The following RRP1B variants were observed in gnomAD, a reference collection of about 807,000 sequenced individuals.
RRP1B encodes ribosomal RNA processing protein 1 homolog B.
Under a neutral mutation model 80.2 loss-of-function variants are expected in RRP1B, and 56 were observed. The ratio of observed to expected loss-of-function variants is 0.70; its 90% CI spans 0.56 to 0.87. The LOEUF (loss-of-function observed/expected upper bound fraction) is 0.87. Ranked by LOEUF, RRP1B falls within the 40% of genes least tolerant of loss-of-function variation. The pLI, the probability that RRP1B is intolerant of heterozygous loss-of-function variation, is 0.00. For missense variants in RRP1B, 807 were observed against 939.8 expected (o/e 0.86, Z 1.85); for synonymous variants, 351 against 357.6 (o/e 0.98, Z 0.21).
chr21:43,686,776 G>T, intron 11 of RRP1B, 28 bp from the exon 12 acceptor site: 1 of 1,613,178 alleles, frequency 6.2e-7, no homozygotes, highest in Non-Finnish European at 8.5e-7. Context: ...GCCTGGGGAA[G>T]CTAACAGTGT....
At chr21:43,670,496 A>G (rs770116909) in intron 2 of RRP1B, among the ~76,000 whole-genome samples, 52 of 152,348 alleles carry the variant, frequency 3.4e-4, no homozygotes, top group Non-Finnish European at 5.3e-4. Context: ...GCCCACCACC[A>G]AAGCCAACAC....
Position 43,691,699 on chromosome 21 carries a change from C to T in RRP1B, c.2083+197C>T, listed in dbSNP as rs974700367. Reference sequence around the variant, plus strand: ...TGTCACCCAGGCTGCAGTGCAGTGGCGAGATCTTGGCTCACTGCAACCTCC... The same window carrying T: ...TGTCACCCAGGCTGCAGTGCAGTGGTGAGATCTTGGCTCACTGCAACCTCC... On this transcript the variant is annotated intron_variant, in intron 15 of 15. Transcript: ENST00000340648. The surrounding 1 kb of genome is among the most constrained non-coding windows in gnomAD (Gnocchi z 4.2). 2.7e-5 allele frequency among the ~76,000 whole-genome samples: 4 copies of T among 149,838 alleles called. No homozygotes were observed. The highest frequency in any genetic ancestry group is 3.7e-3 in the Middle Eastern group (1 of 268).
At chr21:43,673,634 CAA>C (rs557525643) in intron 3 of RRP1B, among the ~76,000 whole-genome samples, 23 of 66,096 alleles carry the variant, frequency 3.5e-4, no homozygotes, top group Admixed American at 7.3e-4. Flanking sequence ...ACCCCGTCTC[CAA>C]AAAAAAAAAA....
In RRP1B at chr21:43,691,363, T is replaced by G; in HGVS notation, c.2020-76T>G. 2 of 1,399,372 alleles carry G rather than the reference T, an allele frequency of 1.4e-6. No homozygotes were observed. The highest frequency in any genetic ancestry group is 2.0e-6 in the Non-Finnish European group (2 of 991,846). The allele number at this position is 1,399,372 out of a possible 1,614,324, so 86.7% of individuals were successfully genotyped here. On this transcript the variant is annotated intron_variant, in intron 14 of 15. Coordinates refer to ENST00000340648, the MANE Select transcript of RRP1B (RefSeq NM_015056.3). This position sits in a 1 kb window ranked among gnomAD's most constrained non-coding sequence, Gnocchi z 4.2. The stretch of plus-strand genomic sequence containing the variant: ...GGGCGGCATACCCTCCAGGGCAGGT[T>G]CTCCAGAAAAATCTGACTAAGCGCC...
intron 10 of RRP1B, 88 bp downstream of exon 10, chr21:43,684,738 TTTTC>T (rs2083056946): frequency 6.6e-6 from 7 of 1,064,824 alleles, no homozygotes. Context: ...TGCTTATCTT[TTTTC>T]TTTCTTCTTT....
rs2083023415 is a variant in RRP1B at position 43,676,563 on chromosome 21, T to A, written c.615-170T>A. On this transcript the variant is annotated intron_variant, in intron 7 of 15. Transcript: ENST00000340648. Reference sequence around the variant, plus strand: ...CACCCAAAGATCTGACCGCTGGGCGTCCCGTGCCTGTCGGGTGGCACTTAG... The same window carrying A: ...CACCCAAAGATCTGACCGCTGGGCGACCCGTGCCTGTCGGGTGGCACTTAG... 2.0e-5 allele frequency among the ~76,000 whole-genome samples: 3 copies of A among 152,232 alleles called. No homozygotes were observed. In the South Asian group the frequency reaches 6.2e-4, roughly 32 times the overall value.
chr21:43,675,711 A>G (rs1264389715), intron 6 of RRP1B, among the ~76,000 whole-genome samples: 1 of 152,194 alleles, frequency 6.6e-6, no homozygotes, highest in African/African-American at 2.4e-5. Context: ...CCCCTCTTGT[A>G]GAGGAAGTAT....
rs755478546 is a variant in RRP1B at position 43,688,078 on chromosome 21, G to GAGGCTGCAGAAAAAGA, written c.1709_1724dup (p.Gly576AlafsTer76). 4.3e-6 allele frequency: 7 copies of GAGGCTGCAGAAAAAGA among 1,611,784 alleles called. No individual in the cohort carries two copies. In the South Asian group the frequency reaches 6.6e-5, roughly 15 times the overall value. Reference sequence around the variant, plus strand: ...GCCACACCACGCTGCCCCAGCGCAGGAGGCTGCAGAAAAAGAAGGCAGGGC... The same window carrying GAGGCTGCAGAAAAAGA: ...GCCACACCACGCTGCCCCAGCGCAGGAGGCTGCAGAAAAAGAAGGCTGCAGAAAAAGAAGGCAGGGC... On this transcript the variant is annotated frameshift_variant, in exon 13 of 16. Transcript: ENST00000340648. LOFTEE classifies it high-confidence loss of function.
chr21:43,687,373 C>A, intron 12 of RRP1B, 143 bp from the exon 13 acceptor site: 2 of 915,122 alleles, frequency 2.2e-6, no homozygotes, highest in South Asian at 2.6e-5. Context: ...GTGGGCGCAC[C>A]AAGTACCTCA....
intron 9 of RRP1B, 71 bp from the exon 10 acceptor site, chr21:43,684,482 C>A: frequency 1.6e-6 from 2 of 1,287,186 alleles, no homozygotes; most frequent in Middle Eastern, 1.8e-4. Context: ...CTCTTACTAG[C>A]AGATGTAAAT....
intron 8 of RRP1B, among the ~76,000 whole-genome samples, chr21:43,682,671 A>G (rs889775165): frequency 3.3e-5 from 5 of 152,178 alleles, no homozygotes; most frequent in African/African-American, 1.2e-4. Flanking sequence ...GGAGCTTCCC[A>G]TGCACCGCAG....
In RRP1B at chr21:43,659,668, G is replaced by A. The variant is rs2082938960; in HGVS notation, c.4G>A (p.Ala2Thr). Residue 2 changes from alanine (A) to threonine (T), a missense_variant, in exon 1 of 16, where the codon GCC becomes ACC. By Grantham distance (58) the Ala-to-Thr change is moderately conservative (BLOSUM62 0). Transcript: ENST00000340648. The surrounding 1 kb of genome is among the most constrained non-coding windows in gnomAD (Gnocchi z 4.2). M[A>T]PAMQPAEIQF... is the part of the protein sequence containing the mutation. The stretch of plus-strand genomic sequence containing the variant: ...CGGGGATGCTCCAGCGGGCGCGATG[G>A]CCCCCGCCATGCAGCCGGCCGAGAT... The A allele has an allele frequency of 1.3e-6, 2 of 1,507,870 alleles. No individual in the cohort carries two copies. The highest frequency in any genetic ancestry group is 8.9e-7 in the Non-Finnish European group (1 of 1,127,456). The allele number at this position is 1,507,870 out of a possible 1,614,324, so 93.4% of individuals were successfully genotyped here.
At chr21:43,676,450 G>A (rs1033088538) in intron 7 of RRP1B, 114 bp downstream of exon 7, 19 of 825,594 alleles carry the variant, frequency 2.3e-5, no homozygotes, top group Non-Finnish European at 3.6e-5. Context: ...AGCAGAGAGC[G>A]GCTGGAGAAG....
chr21:43,669,315 G>A (rs142585363), intron 1 of RRP1B, among the ~76,000 whole-genome samples: 5 of 152,312 alleles, frequency 3.3e-5, no homozygotes, highest in African/African-American at 9.6e-5. Context: ...ATCCTTAAAA[G>A]GTAATTTTTG....
At position 43,691,506 on chromosome 21, in the gene RRP1B, A is replaced by G. The variant is rs1402453191; in HGVS notation, c.2083+4A>G. The stretch of plus-strand genomic sequence containing the variant: ...CTGAACAGAAACATGACTGCCGGTA[A>G]GTGGGGTTTTGCCAGCGGCAAGCTT... On this transcript the variant is annotated splice_donor_region_variant and intron_variant, in intron 15 of 15. Coordinates refer to ENST00000340648, the MANE Select transcript of RRP1B (RefSeq NM_015056.3). This position sits in a 1 kb window ranked among gnomAD's most constrained non-coding sequence, Gnocchi z 4.2. The G allele has an allele frequency of 6.2e-7, 1 of 1,613,932 alleles. No individual in the cohort carries two copies. Among genetic ancestry groups the G allele is most frequent in the South Asian group, 1.1e-5 (1 of 91,054 alleles).
At chr21:43,682,587 C>T (rs1365542793) in intron 8 of RRP1B, among the ~76,000 whole-genome samples, 2 of 152,222 alleles carry the variant, frequency 1.3e-5, no homozygotes, top group Admixed American at 6.5e-5. Flanking sequence ...GGGCCGGATT[C>T]CTGCGTCCAT....
At chr21:43,685,521 C>G (rs1038153353) in intron 10 of RRP1B, among the ~76,000 whole-genome samples, 2 of 152,204 alleles carry the variant, frequency 1.3e-5, no homozygotes, top group Admixed American at 1.3e-4. Context: ...CCCGCCGTGT[C>G]CTTGCTGGTA....
At chr21:43,667,798 G>T (rs923721976) in intron 1 of RRP1B, among the ~76,000 whole-genome samples, 1 of 152,190 alleles carries the variant, frequency 6.6e-6, no homozygotes, top group African/African-American at 2.4e-5. Flanking sequence ...TAACAAGAGG[G>T]CAAGAGAACC....
intron 9 of RRP1B, among the ~76,000 whole-genome samples, chr21:43,683,769 CAA>C (rs60232038): frequency 0.026 from 3,959 of 152,188 alleles, 189 homozygotes; most frequent in African/African-American, 0.088. Context: ...CACCTGAGGT[CAA>C]GAGTTCGAGA....
Sources: gnomAD v4.1 joint callset for allele counts (sites outside exome capture counted in the v4.1 genomes callset) on GRCh38, gnomAD v4.1.1 for gene constraint, Gnocchi (gnomAD v3.1) non-coding constraint, MANE v1.5 for transcripts, NCBI Gene and HGNC (gene_info 2026-07-23, HGNC 2026-07-21) for gene names.